SMARCA2: variants seen among roughly 807,000 people sequenced by gnomAD.
SMARCA2 encodes the protein SWI/SNF-related matrix-associated actin-dependent regulator of chromatin subfamily A member 2.
In SMARCA2, 61 loss-of-function variants were observed where a neutral mutation model predicts 199.8. The observed-to-expected ratio is 0.31, with a 90% CI of 0.25 to 0.38. The LOEUF is 0.38. Ranked by LOEUF, SMARCA2 falls within the 10% of genes least tolerant of loss-of-function variation. The pLI is 1.00. For missense variants in SMARCA2, 1,344 were observed against 2,012.2 expected, an observed-to-expected ratio of 0.67 and a Z score of 6.35; for synonymous variants, 935 against 732.0, an observed-to-expected ratio of 1.28 and a Z score of -4.48.
chr9:2,111,504 AAAAAAAG>A (rs1823001418), intron 24 of SMARCA2, among the ~76,000 whole-genome samples: 1 of 144,928 alleles, frequency 6.9e-6, no homozygotes, highest in African/African-American at 2.6e-5. Flanking sequence ...AAAAAAAAAA[AAAAAAAG>A]AAAAGCAAAA....
chr9:2,100,742 A>G (rs1822473371), intron 21 of SMARCA2, among the ~76,000 whole-genome samples: 1 of 152,024 alleles, frequency 6.6e-6, no homozygotes, highest in Non-Finnish European at 1.5e-5. Flanking sequence ...ACTAAGAATT[A>G]TAATATATTA....
chr9:2,075,826 A>T (rs914325660), intron 12 of SMARCA2, among the ~76,000 whole-genome samples: 5 of 152,090 alleles, frequency 3.3e-5, no homozygotes, highest in African/African-American at 1.2e-4. Flanking sequence ...CCCAGCCATC[A>T]GAGAGAGTGT....
rs1335417188 is a variant in SMARCA2 at position 2,096,638 on chromosome 9, A to C, written c.2884-19A>C. ...TTCTCCTTCCTGCTCTTGCCTACTT[A>C]CTGTTCTCTTTTCTGCAGGTGGAAT... On this transcript the variant is annotated intron_variant, in intron 19 of 33. Coordinates refer to ENST00000349721, the MANE Select transcript of SMARCA2 (RefSeq NM_003070.5). 6.5e-7 allele frequency: 1 copy of C among 1,547,748 alleles called. No homozygotes were observed. The highest frequency in any genetic ancestry group is 1.4e-5 in the African/African-American group (1 of 73,562).
rs1213315934 is a variant in SMARCA2, at chr9:2,149,354, C to CA, written c.3982-12327dup. ...CCAGCATGGTGAAACCCCATCTCTA[C>CA]AAAAATATAAAAAAAATTAGCCAGG... On this transcript the variant is annotated intron_variant, in intron 27 of 33. Transcript: ENST00000349721. 3.5e-4 allele frequency among the ~76,000 whole-genome samples: 52 copies of CA among 150,696 alleles called. 3 individuals are homozygous for CA. Among genetic ancestry groups the CA allele is most frequent in the Non-Finnish European group, 6.8e-4 (46 of 67,416 alleles).
At chr9:2,098,682 C>G (rs368659064) in intron 21 of SMARCA2, among the ~76,000 whole-genome samples, 2 of 152,212 alleles carry the variant, frequency 1.3e-5, no homozygotes, top group East Asian at 3.9e-4. Context: ...AGGGGGCTCA[C>G]CCCTGTAATT....
chr9:2,093,578 G>A (rs1238490909), intron 19 of SMARCA2, among the ~76,000 whole-genome samples: 2 of 152,164 alleles, frequency 1.3e-5, no homozygotes, highest in Non-Finnish European at 2.9e-5. Context: ...GCCCAGATAA[G>A]GAGATTTAGT....
At chr9:2,043,610 C>T (rs1285832686) in intron 4 of SMARCA2, 1 of 152,016 alleles carries the variant, frequency 6.6e-6, no homozygotes, top group Non-Finnish European at 1.5e-5. Flanking sequence ...TTGTTTTTTC[C>T]AACCTGTGGA....
intron 27 of SMARCA2, among the ~76,000 whole-genome samples, chr9:2,152,957 T>A (rs1478007392): frequency 6.6e-6 from 1 of 152,022 alleles, no homozygotes; most frequent in South Asian, 2.1e-4. Context: ...GATATTCAGC[T>A]AGGGAAATTG....
At chr9:2,182,569 T>G (rs1172697480) in intron 31 of SMARCA2, among the ~76,000 whole-genome samples, 3 of 130,992 alleles carry the variant, frequency 2.3e-5, no homozygotes, top group African/African-American at 8.5e-5. Context: ...TCTCGGCTCA[T>G]GGCAACCTCC....
chr9:2,149,471 GAA>G (rs1824943014), intron 27 of SMARCA2, among the ~76,000 whole-genome samples: 1 of 151,502 alleles, frequency 6.6e-6, no homozygotes, highest in Admixed American at 6.6e-5. Flanking sequence ...AGTGAGCCAC[GAA>G]CATGCCATTG....
intron 19 of SMARCA2, 134 bp downstream of exon 19, chr9:2,088,747 AT>A: frequency 1.5e-6 from 1 of 671,464 alleles, no homozygotes; most frequent in Non-Finnish European, 2.6e-6. Flanking sequence ...AATATCTTAA[AT>A]TGTTTTTTTG....
chr9:2,037,474 C>A (rs1024406292), intron 3 of SMARCA2, among the ~76,000 whole-genome samples: 1 of 152,174 alleles, frequency 6.6e-6, no homozygotes, highest in Non-Finnish European at 1.5e-5. Context: ...TGGAGCAAAA[C>A]CCATTCTTGG....
In SMARCA2 at chr9:2,169,132, C is replaced by G. The variant is rs1428560537; in HGVS notation, c.4200-1287C>G. On this transcript the variant is annotated intron_variant, in intron 28 of 33. Transcript: ENST00000349721. This position sits in a 1 kb window ranked among gnomAD's most constrained non-coding sequence, Gnocchi z 6.5. ...TGCTGACACTCAGAGTCCCCTCAAC[C>G]TGCTCCTAATTGTCCCTACAAGACA... is the stretch of plus-strand genomic sequence containing the variant. Among the ~76,000 whole-genome samples the G allele has an allele frequency of 2.6e-5, 4 of 152,146 alleles. No individual in the cohort carries two copies. Among genetic ancestry groups the G allele is most frequent in the Non-Finnish European group, 2.9e-5 (2 of 68,026 alleles).
intron 19 of SMARCA2, 148 bp downstream of exon 19, chr9:2,088,761 T>G (rs1821917838): frequency 9.6e-6 from 6 of 627,796 alleles, no homozygotes; most frequent in Non-Finnish European, 1.6e-5. Context: ...TTTTTTTGTT[T>G]GATAGGGCTA....
At chr9:2,113,296 T>A (rs2130590501) in intron 24 of SMARCA2, among the ~76,000 whole-genome samples, 1 of 152,304 alleles carries the variant, frequency 6.6e-6, no homozygotes, top group South Asian at 2.1e-4. Flanking sequence ...AAGACTCTCA[T>A]TTCCAAACTG....
At chr9:2,155,093 C>A (rs577216265) in intron 27 of SMARCA2, among the ~76,000 whole-genome samples, 1 of 152,154 alleles carries the variant, frequency 6.6e-6, no homozygotes, top group Non-Finnish European at 1.5e-5. Context: ...CTTGTAAGAA[C>A]AAAGGTGTAA....
chr9:2,159,042 T>C (rs1471611877), intron 27 of SMARCA2: 4 of 1,576,996 alleles, frequency 2.5e-6, no homozygotes, highest in Non-Finnish European at 3.5e-6. Context: ...CTGCACGTAT[T>C]AGCAGTTGTA....
rs950666894 is a variant in SMARCA2 at position 2,124,085 on chromosome 9, C to G, written c.3981+148C>G. 2.8e-5 allele frequency: 20 copies of G among 703,736 alleles called. No homozygotes were observed. The African/African-American group carries it at 3.4e-4, about 12-fold the overall frequency. The allele number at this position is 703,736 out of a possible 1,614,324, so 43.6% of individuals were successfully genotyped here. ...CTTGAACACAGAAGATAAAGTCATTCTGCTGTTGCATAAAGTCATTGTGCT... is the reference window on the plus strand; with the variant it reads ...CTTGAACACAGAAGATAAAGTCATTGTGCTGTTGCATAAAGTCATTGTGCT... On this transcript the variant is annotated intron_variant, in intron 27 of 33. Transcript: ENST00000349721.
chr9:2,146,732 A>G (rs1824768254), intron 27 of SMARCA2, among the ~76,000 whole-genome samples: 1 of 152,094 alleles, frequency 6.6e-6, no homozygotes, highest in Non-Finnish European at 1.5e-5. Flanking sequence ...TGGATTTTTC[A>G]TGCCTCCCCT....
Sources: gnomAD v4.1 joint callset for allele counts (sites outside exome capture counted in the v4.1 genomes callset) on GRCh38, gnomAD v4.1.1 for gene constraint, Gnocchi (gnomAD v3.1) non-coding constraint, MANE v1.5 for transcripts, NCBI Gene and HGNC (gene_info 2026-07-23, HGNC 2026-07-21) for gene names.